Variants in KCND2 observed in about 807,000 individuals in gnomAD.
KCND2 encodes the protein potassium voltage-gated channel subfamily D member 2.
Under a neutral mutation model 54.4 loss-of-function variants are expected in KCND2, and 16 were observed. That is an observed-to-expected ratio of 0.29 (90% CI 0.20 to 0.45). The LOEUF (loss-of-function observed/expected upper bound fraction) is 0.45, where lower values mean the gene tolerates loss of function less well. Among genes scored for constraint, KCND2 ranks in the 20% least tolerant of loss-of-function variants. KCND2 has a pLI of 1.00. For synonymous variants in KCND2, 317 were observed against 310.7 expected, an observed-to-expected ratio of 1.02 and a Z score of -0.21; for missense variants, 486 against 824.2, an observed-to-expected ratio of 0.59 and a Z score of 5.02.
At chr7:120,483,254 A>C (rs141697868) in intron 1 of KCND2, among the ~76,000 whole-genome samples, 1 of 152,214 alleles carries the variant, frequency 6.6e-6, no homozygotes, top group Admixed American at 6.5e-5. Flanking sequence ...TATGGCTTTC[A>C]ACAAAGGGAA....
At position 120,455,935 on chromosome 7, in the gene KCND2, A is replaced by G. The variant is rs114255628; in HGVS notation, c.1115+180188A>G. 9.0e-3 allele frequency among the ~76,000 whole-genome samples: 1,375 copies of G among 152,190 alleles called. 16 individuals carry two copies. The highest frequency in any genetic ancestry group is 0.03 in the African/African-American group (1,256 of 41,534). The stretch of plus-strand genomic sequence containing the variant: ...GACGTGCAGTTTACCTATATAACAA[A>G]CCTACACATATACCCTTAAACCTAA... On this transcript the variant is annotated intron_variant, in intron 1 of 5. Coordinates refer to ENST00000331113, the MANE Select transcript of KCND2 (RefSeq NM_012281.3).
At chr7:120,330,496 G>A (rs910020393) in intron 1 of KCND2, among the ~76,000 whole-genome samples, 3 of 133,386 alleles carry the variant, frequency 2.2e-5, no homozygotes, top group Non-Finnish European at 3.1e-5. Flanking sequence ...TAGGAGAATC[G>A]CTTGAACCTG....
chr7:120,666,669 C>G (rs1042896771), intron 1 of KCND2, among the ~76,000 whole-genome samples: 7 of 151,858 alleles, frequency 4.6e-5, no homozygotes, highest in African/African-American at 1.7e-4. Flanking sequence ...CCCTCTGGAC[C>G]CAACCCTAAG....
chr7:120,352,459 T>TATACACACACACAC (rs1299014135), intron 1 of KCND2, among the ~76,000 whole-genome samples: 1 of 148,216 alleles, frequency 6.7e-6, no homozygotes, highest in Non-Finnish European at 1.5e-5. Context: ...CACACATACA[T>TATACACACACACAC]ACACACACAC....
intron 1 of KCND2, among the ~76,000 whole-genome samples, chr7:120,474,576 C>T (rs1802507027): frequency 6.6e-6 from 1 of 151,394 alleles, no homozygotes; most frequent in Non-Finnish European, 1.5e-5. Context: ...GTTGGCCAGC[C>T]TGGTCTCAAA....
intron 1 of KCND2, among the ~76,000 whole-genome samples, chr7:120,292,817 C>CT (rs987116744): frequency 2.6e-5 from 4 of 151,694 alleles, no homozygotes; most frequent in Admixed American, 6.6e-5. Flanking sequence ...CCTCCTTAGG[C>CT]TTTTTTTGCT....
chr7:120,315,765 A>AGTGTGTGTGTGT (rs59537613), intron 1 of KCND2, among the ~76,000 whole-genome samples: 1 of 137,518 alleles, frequency 7.3e-6, no homozygotes, highest in Non-Finnish European at 1.6e-5. Flanking sequence ...TTCCATAAGC[A>AGTGTGTGTGTGT]GTGTGTGTGT....
chr7:120,693,751 A>G (rs755637347), intron 1 of KCND2, among the ~76,000 whole-genome samples: 1 of 152,236 alleles, frequency 6.6e-6, no homozygotes, highest in African/African-American at 2.4e-5. Context: ...GGTTGCAGTC[A>G]CAGCACTGGC....
chr7:120,388,054 G>C (rs896567944), intron 1 of KCND2, among the ~76,000 whole-genome samples: 1 of 151,960 alleles, frequency 6.6e-6, no homozygotes, highest in Non-Finnish European at 1.5e-5. Context: ...AGAATAAATT[G>C]ATCTATTGAG....
At chr7:120,382,793 C>A (rs1211776786) in intron 1 of KCND2, among the ~76,000 whole-genome samples, 1 of 151,688 alleles carries the variant, frequency 6.6e-6, no homozygotes, top group Non-Finnish European at 1.5e-5. Context: ...GGAGCAACTC[C>A]AAGGATTACT....
chr7:120,440,225 G>C (rs1801928322), intron 1 of KCND2, among the ~76,000 whole-genome samples: 1 of 151,942 alleles, frequency 6.6e-6, no homozygotes, highest in Non-Finnish European at 1.5e-5. Context: ...TTGTGGTCTT[G>C]ACTTGCGTTT....
At chr7:120,293,643 C>G (rs938305130) in intron 1 of KCND2, among the ~76,000 whole-genome samples, 6 of 151,890 alleles carry the variant, frequency 4.0e-5, no homozygotes, top group Admixed American at 3.3e-4. Context: ...TCATTATTAT[C>G]ATCGTTATCA....
chr7:120,604,423 GGGGC>G (rs1792853306), intron 1 of KCND2, among the ~76,000 whole-genome samples: 1 of 150,890 alleles, frequency 6.6e-6, no homozygotes, highest in Non-Finnish European at 1.5e-5. Context: ...ACTTCAACCC[GGGGC>G]GGGCAGTGGA....
chr7:120,721,014 T>TA (rs1392148723), intron 1 of KCND2, among the ~76,000 whole-genome samples: 9 of 151,916 alleles, frequency 5.9e-5, no homozygotes, highest in East Asian at 5.8e-4. Context: ...ATGCTGCATT[T>TA]AAAAAAAATA....
At chr7:120,418,755 T>G (rs573897922) in intron 1 of KCND2, among the ~76,000 whole-genome samples, 1 of 152,150 alleles carries the variant, frequency 6.6e-6, no homozygotes, top group Non-Finnish European at 1.5e-5. Context: ...GCTTAGAGTA[T>G]CAGAGGCTCA....
At chr7:120,530,687 A>C (rs1322526379) in intron 1 of KCND2, among the ~76,000 whole-genome samples, 1 of 151,998 alleles carries the variant, frequency 6.6e-6, no homozygotes, top group Non-Finnish European at 1.5e-5. Flanking sequence ...AACATGTCCA[A>C]AACTTTATTT....
At chr7:120,423,641 G>C (rs1584772864) in intron 1 of KCND2, among the ~76,000 whole-genome samples, 1 of 152,132 alleles carries the variant, frequency 6.6e-6, no homozygotes, top group African/African-American at 2.4e-5. Context: ...AGTTGAAACT[G>C]GACTAACTGG....
At chr7:120,370,720 G>A (rs1800753281) in intron 1 of KCND2, among the ~76,000 whole-genome samples, 1 of 151,986 alleles carries the variant, frequency 6.6e-6, no homozygotes, top group Admixed American at 6.6e-5. Context: ...CAAGATAACA[G>A]CGGAAAAGGG....
intron 1 of KCND2, among the ~76,000 whole-genome samples, chr7:120,718,879 T>C (rs532796980): frequency 1.3e-5 from 2 of 152,254 alleles, no homozygotes; most frequent in Non-Finnish European, 2.9e-5. Context: ...CTTGGTTGTC[T>C]GGAAAGTAGA....
Sources: gnomAD v4.1 joint callset for allele counts (sites outside exome capture counted in the v4.1 genomes callset) on GRCh38, gnomAD v4.1.1 for gene constraint, MANE v1.5 for transcripts, NCBI Gene and HGNC (gene_info 2026-07-23, HGNC 2026-07-21) for gene names.